PSMA1: variants seen among roughly 807,000 people sequenced by gnomAD.
PSMA1 encodes the protein proteasome 20S subunit alpha 1, also known as proteasome subunit alpha type-1.
PSMA1 carries 3 observed loss-of-function variants against 38.4 expected under a neutral mutation model. The observed-to-expected ratio is 0.08, with a 90% confidence interval of 0.04 to 0.20. The LOEUF (loss-of-function observed/expected upper bound fraction) is 0.20. Among genes scored for constraint, PSMA1 ranks in the 10% least tolerant of loss-of-function variants. The pLI, the probability that PSMA1 is intolerant of heterozygous loss-of-function variation, is 1.00. For missense variants in PSMA1, 227 were observed against 325.3 expected (o/e 0.70, Z 2.32); for synonymous variants, 101 against 107.1 (o/e 0.94, Z 0.35).
Position 14,513,704 on chromosome 11 carries a change from A to G in PSMA1, c.415-5T>C. On this transcript the variant is annotated splice_region_variant and splice_polypyrimidine_tract_variant and intron_variant, in intron 6 of 9. Coordinates refer to ENST00000396394, the MANE Select transcript of PSMA1 (RefSeq NM_002786.4). The stretch of plus-strand genomic sequence containing the variant: ...GAAAATGTGAGGGCCCATATCCTAC[A>G]AATAGAAATAAATACACCACATAAT... 2 of 1,567,910 alleles carry G rather than the reference A, an allele frequency of 1.3e-6. No individual in the cohort carries two copies. The highest frequency in any genetic ancestry group is 1.7e-6 in the Non-Finnish European group (2 of 1,164,700).
intron 1 of PSMA1, among the ~76,000 whole-genome samples, chr11:14,617,410 A>G (rs184369275): frequency 1.3e-5 from 2 of 152,240 alleles, no homozygotes; most frequent in Non-Finnish European, 2.9e-5. Flanking sequence ...TTCCTCAACC[A>G]TGTGATTCTT....
At chr11:14,570,701 A>G (rs185320267) in intron 2 of PSMA1, among the ~76,000 whole-genome samples, 138 of 152,352 alleles carry the variant, frequency 9.1e-4, no homozygotes, top group African/African-American at 3.0e-3. Context: ...ATATGGGACT[A>G]TGTGAAAAGA....
intron 8 of PSMA1, among the ~76,000 whole-genome samples, chr11:14,510,435 A>G (rs2134143306): frequency 1.3e-5 from 2 of 152,210 alleles, no homozygotes; most frequent in Middle Eastern, 3.4e-3. Context: ...TTTTTTACAT[A>G]GCATTTATCT....
chr11:14,557,477 C>G (rs569127357), intron 2 of PSMA1, among the ~76,000 whole-genome samples: 1 of 152,128 alleles, frequency 6.6e-6, no homozygotes, highest in Non-Finnish European at 1.5e-5. Context: ...CTCTTGACTT[C>G]GTGATCCGCC....
intron 2 of PSMA1, among the ~76,000 whole-genome samples, chr11:14,591,147 C>CT (rs1277894396): frequency 6.6e-6 from 1 of 152,230 alleles, no homozygotes; most frequent in East Asian, 1.9e-4. Context: ...GGTGGGCCTG[C>CT]ACTCGGAGCA....
At chr11:14,542,649 T>G (rs939795191) in intron 2 of PSMA1, among the ~76,000 whole-genome samples, 1 of 152,202 alleles carries the variant, frequency 6.6e-6, no homozygotes, top group African/African-American at 2.4e-5. Flanking sequence ...GCCCTCCACC[T>G]ACAATGTCTG....
intron 2 of PSMA1, among the ~76,000 whole-genome samples, chr11:14,546,584 T>C (rs1851830364): frequency 6.6e-6 from 1 of 151,916 alleles, no homozygotes; most frequent in Non-Finnish European, 1.5e-5. Context: ...ATTACAGGCG[T>C]GTGTCACCAT....
At chr11:14,614,195 A>T (rs1380534792) in intron 1 of PSMA1, among the ~76,000 whole-genome samples, 2 of 152,030 alleles carry the variant, frequency 1.3e-5, no homozygotes, top group East Asian at 1.9e-4. Flanking sequence ...TTGTTTTTTT[A>T]AAAAATACTC....
chr11:14,515,939 C>CTG (rs1336222063), intron 4 of PSMA1, among the ~76,000 whole-genome samples: 2 of 151,756 alleles, frequency 1.3e-5, no homozygotes, highest in Non-Finnish European at 2.9e-5. Context: ...CGGCTAGGTG[C>CTG]TGTGGCTCAC....
chr11:14,637,019 C>T (rs139131041), intron 1 of PSMA1, among the ~76,000 whole-genome samples: 1 of 152,276 alleles, frequency 6.6e-6, no homozygotes, highest in East Asian at 1.9e-4. Context: ...CAATTAAATA[C>T]AATAAAAATT....
At chr11:14,535,632 C>CG (rs1851698511) in intron 2 of PSMA1, among the ~76,000 whole-genome samples, 1 of 151,408 alleles carries the variant, frequency 6.6e-6, no homozygotes, top group South Asian at 2.1e-4. Flanking sequence ...TTAGTAGAGA[C>CG]GGGGGTTTCT....
chr11:14,570,747 C>G (rs1044312074), intron 2 of PSMA1, among the ~76,000 whole-genome samples: 1 of 152,166 alleles, frequency 6.6e-6, no homozygotes, highest in African/African-American at 2.4e-5. Context: ...CTGAAAATGA[C>G]GGGGAGAATG....
At chr11:14,554,585 AT>A (rs34523495) in intron 2 of PSMA1, among the ~76,000 whole-genome samples, 15 of 151,018 alleles carry the variant, frequency 9.9e-5, no homozygotes, top group Non-Finnish European at 1.6e-4. Flanking sequence ...TCTCCATTGA[AT>A]TTTTTTTTGC....
At chr11:14,598,245 C>T (rs555033390) in intron 2 of PSMA1, among the ~76,000 whole-genome samples, 14 of 152,224 alleles carry the variant, frequency 9.2e-5, no homozygotes, top group African/African-American at 2.2e-4. Flanking sequence ...GTGGAGAGTT[C>T]GGTAGATGAC....
chr11:14,638,434 AGAT>A (rs1241185213), intron 1 of PSMA1, among the ~76,000 whole-genome samples: 2 of 149,886 alleles, frequency 1.3e-5, no homozygotes, highest in Non-Finnish European at 3.0e-5. Flanking sequence ...CTAATGAACT[AGAT>A]GAATCCTTTT....
intron 1 of PSMA1, among the ~76,000 whole-genome samples, chr11:14,627,672 T>C (rs530841141): frequency 6.6e-6 from 1 of 152,350 alleles, no homozygotes; most frequent in South Asian, 2.1e-4. Flanking sequence ...TGGCAGATTG[T>C]TGTGAGGATG....
At chr11:14,564,008 A>G (rs1411532988) in intron 2 of PSMA1, among the ~76,000 whole-genome samples, 1 of 152,222 alleles carries the variant, frequency 6.6e-6, no homozygotes, top group Non-Finnish European at 1.5e-5. Context: ...ATAATTTTAA[A>G]TTTATACATA....
chr11:14,565,908 G>A (rs1852065170), intron 2 of PSMA1, among the ~76,000 whole-genome samples: 1 of 152,200 alleles, frequency 6.6e-6, no homozygotes, highest in Non-Finnish European at 1.5e-5. Context: ...AGTCAGGCAA[G>A]CCTTCTGGAG....
chr11:14,558,706 T>G (rs768089192), intron 2 of PSMA1, among the ~76,000 whole-genome samples: 2 of 152,202 alleles, frequency 1.3e-5, no homozygotes, highest in Admixed American at 1.3e-4. Flanking sequence ...ATGTGGTTTT[T>G]GATTTAGAAG....
Sources: gnomAD v4.1 joint callset for allele counts (sites outside exome capture counted in the v4.1 genomes callset) on GRCh38, gnomAD v4.1.1 for gene constraint, MANE v1.5 for transcripts, NCBI Gene and HGNC (gene_info 2026-07-23, HGNC 2026-07-21) for gene names.